HOMER1: variants seen among roughly 807,000 people sequenced by gnomAD.
HOMER1 encodes homer scaffold protein 1, also known as homer protein homolog 1.
Under a neutral mutation model 48.9 loss-of-function variants are expected in HOMER1, and 3 were observed. The ratio of observed to expected loss-of-function variants is 0.06; its 90% confidence interval spans 0.03 to 0.16. The LOEUF is 0.16. Ranked by LOEUF, HOMER1 falls within the 10% of genes least tolerant of loss-of-function variation. The pLI is 1.00. For missense variants in HOMER1, 247 were observed against 411.4 expected (o/e 0.60, Z 3.46); for synonymous variants, 134 against 146.4 (o/e 0.92, Z 0.61).
At chr5:79,501,895 G>A (rs779639563) in intron 1 of HOMER1, among the ~76,000 whole-genome samples, 1 of 152,054 alleles carries the variant, frequency 6.6e-6, no homozygotes, top group Non-Finnish European at 1.5e-5. Flanking sequence ...AACAAGTTTT[G>A]CTAGCACTAG....
At chr5:79,502,019 T>A (rs944813769) in intron 1 of HOMER1, among the ~76,000 whole-genome samples, 1 of 113,680 alleles carries the variant, frequency 8.8e-6, no homozygotes, top group Admixed American at 1.0e-4. Flanking sequence ...CAGGTCCTGA[T>A]AATTTTTTTT....
rs182378380 is a variant in HOMER1 at position 79,380,725 on chromosome 5, G to T, written c.877-4528C>A. The stretch of plus-strand genomic sequence containing the variant: ...TGTCACAGCATATAATCGGGGGGTA[G>T]GGGGAGTGAAGGGATTGCCCAGCCC... On this transcript the variant is annotated intron_variant, in intron 8 of 8. Coordinates refer to ENST00000334082, the MANE Select transcript of HOMER1 (RefSeq NM_004272.5). Among the ~76,000 whole-genome samples, 4 of 152,186 alleles carry T rather than the reference G, an allele frequency of 2.6e-5. 1 individual carries two copies. Among genetic ancestry groups the T allele is most frequent in the Non-Finnish European group, 5.9e-5 (4 of 67,998 alleles).
intron 5 of HOMER1, among the ~76,000 whole-genome samples, chr5:79,419,242 T>C (rs1750032311): frequency 6.6e-6 from 1 of 152,174 alleles, no homozygotes; most frequent in Non-Finnish European, 1.5e-5. Context: ...TTTACAATAG[T>C]ATATGAACAT....
At chr5:79,409,584 A>G (rs1044389935) in intron 5 of HOMER1, among the ~76,000 whole-genome samples, 2 of 152,224 alleles carry the variant, frequency 1.3e-5, no homozygotes, top group Non-Finnish European at 2.9e-5. Context: ...CACAATCAAC[A>G]GAGTGAAAAG....
At chr5:79,421,640 T>C (rs1229705308) in intron 5 of HOMER1, among the ~76,000 whole-genome samples, 1 of 151,764 alleles carries the variant, frequency 6.6e-6, no homozygotes, top group Non-Finnish European at 1.5e-5. Context: ...GGCCTTGCTC[T>C]TGTCGCCCAG....
chr5:79,465,594 T>TTG (rs1229215389), intron 1 of HOMER1, among the ~76,000 whole-genome samples: 1 of 128,712 alleles, frequency 7.8e-6, no homozygotes, highest in African/African-American at 3.1e-5. Flanking sequence ...CTTTTTTTTT[T>TTG]TTTTTTTTTT....
chr5:79,479,062 TGA>T (rs1225802624), intron 1 of HOMER1, among the ~76,000 whole-genome samples: 4 of 152,218 alleles, frequency 2.6e-5, no homozygotes, highest in African/African-American at 9.7e-5. Flanking sequence ...GTTTTTCTTC[TGA>T]ATCATCACAA....
chr5:79,476,487 G>A (rs1336272188), intron 1 of HOMER1, among the ~76,000 whole-genome samples: 3 of 152,088 alleles, frequency 2.0e-5, no homozygotes, highest in East Asian at 1.9e-4. Context: ...TTAGACACCC[G>A]TTGCCAGTCT....
At chr5:79,455,506 C>G (rs148196115) in intron 2 of HOMER1, among the ~76,000 whole-genome samples, 2 of 152,120 alleles carry the variant, frequency 1.3e-5, no homozygotes, top group African/African-American at 4.8e-5. Context: ...CCTTCTGCCA[C>G]GATTGTAAGT....
chr5:79,473,696 G>C (rs775462538), intron 1 of HOMER1, among the ~76,000 whole-genome samples: 10 of 152,116 alleles, frequency 6.6e-5, no homozygotes, highest in Non-Finnish European at 1.3e-4. Flanking sequence ...AGAAGAACAA[G>C]TTAGTCTTAT....
chr5:79,455,106 ATT>A (rs148460046), intron 2 of HOMER1, among the ~76,000 whole-genome samples: 1 of 146,180 alleles, frequency 6.8e-6, no homozygotes, highest in Admixed American at 6.8e-5. Context: ...CACCTAGCTA[ATT>A]TTTTTTTTTT....
chr5:79,399,325 G>A (rs576964148), intron 6 of HOMER1, among the ~76,000 whole-genome samples: 5 of 152,284 alleles, frequency 3.3e-5, no homozygotes, highest in African/African-American at 1.2e-4. Flanking sequence ...TTATTTCTCT[G>A]AGAAGCCTGA....
At chr5:79,400,157 G>C (rs1188254651) in intron 6 of HOMER1, among the ~76,000 whole-genome samples, 1 of 151,850 alleles carries the variant, frequency 6.6e-6, no homozygotes, top group African/African-American at 2.4e-5. Flanking sequence ...TAGTTCAATA[G>C]TGTTAAGTAT....
chr5:79,411,189 A>G (rs1749805418), intron 5 of HOMER1, among the ~76,000 whole-genome samples: 1 of 152,178 alleles, frequency 6.6e-6, no homozygotes, highest in Admixed American at 6.5e-5. Context: ...TTCCCTATCT[A>G]AAGTCAAAGT....
At position 79,442,449 on chromosome 5, in the gene HOMER1, T is replaced by C. The variant is rs60629036; in HGVS notation, c.388-3300A>G. Among the ~76,000 whole-genome samples, 1,478 of 152,352 alleles carry C rather than the reference T, an allele frequency of 9.7e-3. 22 individuals carry two copies. The highest frequency in any genetic ancestry group is 0.034 in the African/African-American group (1,401 of 41,580). On this transcript the variant is annotated intron_variant, in intron 4 of 8. Coordinates refer to ENST00000334082, the MANE Select transcript of HOMER1 (RefSeq NM_004272.5). The stretch of plus-strand genomic sequence containing the variant: ...AGAACACATGGAAAAAAGTTGACCT[T>C]GACCCTCACTCTAGGACAAGCCTTT...
chr5:79,443,132 C>G (rs1047911790), intron 4 of HOMER1, among the ~76,000 whole-genome samples: 1 of 152,076 alleles, frequency 6.6e-6, no homozygotes, highest in Non-Finnish European at 1.5e-5. Flanking sequence ...CTGTTTATGC[C>G]AATTCTATTT....
chr5:79,391,681 TAC>T (rs1749257087), intron 8 of HOMER1, among the ~76,000 whole-genome samples: 1 of 151,104 alleles, frequency 6.6e-6, no homozygotes, highest in Admixed American at 6.6e-5. Context: ...AGGCGGAGGT[TAC>T]AGTGAGCTGA....
At chr5:79,477,944 G>T (rs1175272644) in intron 1 of HOMER1, among the ~76,000 whole-genome samples, 2 of 151,884 alleles carry the variant, frequency 1.3e-5, no homozygotes, top group African/African-American at 2.4e-5. Context: ...ATACCTAAAG[G>T]TATGCCACAG....
At chr5:79,512,403 C>T (rs1561394199) in intron 1 of HOMER1, among the ~76,000 whole-genome samples, 2 of 152,190 alleles carry the variant, frequency 1.3e-5, no homozygotes, top group South Asian at 4.1e-4. Flanking sequence ...TCTAAAAGTA[C>T]TGAGAGAATG....
Sources: gnomAD v4.1 joint callset for allele counts (sites outside exome capture counted in the v4.1 genomes callset) on GRCh38, gnomAD v4.1.1 for gene constraint, MANE v1.5 for transcripts, NCBI Gene and HGNC (gene_info 2026-07-23, HGNC 2026-07-21) for gene names.